GLIS3: variants seen among roughly 807,000 people sequenced by gnomAD.
The protein encoded by GLIS3 is zinc finger protein GLIS3.
In GLIS3, 53 loss-of-function variants were observed where a neutral mutation model predicts 78.6. That is an observed-to-expected ratio of 0.67 (90% CI 0.54 to 0.85). The LOEUF is 0.85. GLIS3 is among the 40% of genes least tolerant of loss of function. GLIS3 has a pLI of 0.00. For synonymous variants in GLIS3, 684 were observed against 509.9 expected, an observed-to-expected ratio of 1.34 and a Z score of -4.60; for missense variants, 1,703 against 1,231.1, an observed-to-expected ratio of 1.38 and a Z score of -5.74.
chr9:4,096,669 G>C (rs554963190), intron 4 of GLIS3, among the ~76,000 whole-genome samples: 7 of 152,272 alleles, frequency 4.6e-5, no homozygotes, highest in Admixed American at 2.6e-4. Context: ...GCTGGAGAGA[G>C]AGGAGAGGGG....
intron 9 of GLIS3, among the ~76,000 whole-genome samples, chr9:3,854,977 T>TAACTC (rs1563778791): frequency 6.6e-6 from 1 of 152,214 alleles, no homozygotes; most frequent in Non-Finnish European, 1.5e-5. Flanking sequence ...ATTTCAAGTA[T>TAACTC]AACTCATACA....
At chr9:4,178,336 G>C (rs903345501) in intron 2 of GLIS3, among the ~76,000 whole-genome samples, 2 of 152,140 alleles carry the variant, frequency 1.3e-5, no homozygotes, top group Non-Finnish European at 2.9e-5. Context: ...TCCTGCAAAG[G>C]AGGGTGGAAG....
chr9:4,354,289 TTG>T, the GLIS3 span, among the ~76,000 whole-genome samples: 1 of 152,134 alleles, frequency 6.6e-6, no homozygotes, highest in African/African-American at 2.4e-5. Flanking sequence ...TGAGACCTTT[TTG>T]TGTGTTTGAA....
chr9:3,948,325 G>A (rs1405499493), intron 4 of GLIS3, among the ~76,000 whole-genome samples: 1 of 152,144 alleles, frequency 6.6e-6, no homozygotes, highest in Non-Finnish European at 1.5e-5. Flanking sequence ...TTTGGCTGAT[G>A]AGGAAATCTC....
intron 8 of GLIS3, among the ~76,000 whole-genome samples, chr9:3,863,395 C>A (rs1056675169): frequency 6.6e-6 from 1 of 152,168 alleles, no homozygotes; most frequent in East Asian, 1.9e-4. Flanking sequence ...AAGAAACAGC[C>A]GCTGGGAAGT....
At chr9:3,904,676 C>T (rs1405511310) in intron 6 of GLIS3, among the ~76,000 whole-genome samples, 1 of 152,200 alleles carries the variant, frequency 6.6e-6, no homozygotes, top group African/African-American at 2.4e-5. Flanking sequence ...CACTTTTAAA[C>T]ACTGCATTTC....
chr9:4,370,183 C>CAA, the GLIS3 span, among the ~76,000 whole-genome samples: 938 of 88,084 alleles, frequency 0.011, 13 homozygotes, highest in Admixed American at 0.014. Flanking sequence ...GACTCCATCT[C>CAA]AAAAAAAAAA....
intron 4 of GLIS3, among the ~76,000 whole-genome samples, chr9:4,017,422 C>T (rs1822527591): frequency 1.3e-5 from 2 of 152,166 alleles, no homozygotes; most frequent in South Asian, 4.1e-4. Context: ...AGTTGGCAAT[C>T]TGTGGAAGCT....
chr9:4,131,070 G>C (rs1374858553), intron 2 of GLIS3, among the ~76,000 whole-genome samples: 2 of 152,198 alleles, frequency 1.3e-5, no homozygotes, highest in Non-Finnish European at 2.9e-5. Context: ...CCTAGGGGGG[G>C]TTGGGGCTTG....
chr9:4,423,945 C>A, the GLIS3 span, among the ~76,000 whole-genome samples: 1 of 152,190 alleles, frequency 6.6e-6, no homozygotes, highest in Admixed American at 6.5e-5. Context: ...TGACCCTAAT[C>A]CACCACAAAA....
intron 10 of GLIS3, 91 bp downstream of exon 10, chr9:3,829,219 G>C (rs1229927680): frequency 9.4e-7 from 1 of 1,060,518 alleles, no homozygotes; most frequent in Non-Finnish European, 1.5e-6. Flanking sequence ...TCATGTGCTT[G>C]GTCACGTCCA....
intron 2 of GLIS3, among the ~76,000 whole-genome samples, chr9:4,266,938 C>G (rs1162587257): frequency 6.6e-6 from 1 of 152,118 alleles, no homozygotes; most frequent in Non-Finnish European, 1.5e-5. Flanking sequence ...ATTTTACAGA[C>G]CTGCTGATAA....
intron 6 of GLIS3, among the ~76,000 whole-genome samples, chr9:3,928,353 C>G (rs1213390937): frequency 6.6e-6 from 1 of 152,112 alleles, no homozygotes; most frequent in Non-Finnish European, 1.5e-5. Context: ...GATCATGCAC[C>G]CCACTTGTGC....
rs544848879 is a variant in GLIS3, at chr9:4,159,176, G to C, written c.389-33235C>G. ...CAGGGCCTGTATATTACTTGAATTT[G>C]CATCACTAGTCCCCATCCCATATAT... is the stretch of plus-strand genomic sequence containing the variant. On this transcript the variant is annotated intron_variant, in intron 2 of 10. Coordinates refer to ENST00000381971, the MANE Select transcript of GLIS3 (RefSeq NM_001042413.2). Among the ~76,000 whole-genome samples the C allele has an allele frequency of 2.0e-3, 309 of 152,202 alleles. 1 individual carries two copies. The highest frequency in any genetic ancestry group is 3.6e-3 in the Non-Finnish European group (243 of 68,014).
At chr9:4,273,991 G>C (rs987292337) in intron 2 of GLIS3, among the ~76,000 whole-genome samples, 1 of 152,192 alleles carries the variant, frequency 6.6e-6, no homozygotes, top group Non-Finnish European at 1.5e-5. Flanking sequence ...GCATGTCCTT[G>C]CATAGGACAT....
chr9:4,393,961 T>C, the GLIS3 span, among the ~76,000 whole-genome samples: 1 of 152,044 alleles, frequency 6.6e-6, no homozygotes, highest in Non-Finnish European at 1.5e-5. Context: ...ATTACCCTAA[T>C]TACAGAACTG....
chr9:4,305,665 A>T (rs1197261505), intron 4 of GLIS3: 1 of 152,240 alleles, frequency 6.6e-6, no homozygotes, highest in Non-Finnish European at 1.5e-5. Context: ...ATGAGATGTG[A>T]ACAGGAAAGT....
chr9:4,311,673 C>T (rs1246376673), intron 2 of GLIS3, among the ~76,000 whole-genome samples: 1 of 152,122 alleles, frequency 6.6e-6, no homozygotes, highest in African/African-American at 2.4e-5. Flanking sequence ...CCTCCTGCAT[C>T]GGCCTTATCA....
At chr9:3,952,298 G>C (rs1057100721) in intron 4 of GLIS3, among the ~76,000 whole-genome samples, 1 of 152,094 alleles carries the variant, frequency 6.6e-6, no homozygotes, top group African/African-American at 2.4e-5. Flanking sequence ...CTGGGAAATC[G>C]TAATCCACCT....
Sources: gnomAD v4.1 joint callset for allele counts (sites outside exome capture counted in the v4.1 genomes callset) on GRCh38, gnomAD v4.1.1 for gene constraint, MANE v1.5 for transcripts, NCBI Gene and HGNC (gene_info 2026-07-23, HGNC 2026-07-21) for gene names.